The following ARID2 variants were observed in gnomAD, a reference collection of about 807,000 sequenced individuals.
ARID2 encodes AT-rich interaction domain 2.
A neutral mutation model predicts 184.6 loss-of-function variants in ARID2; 32 were observed. The observed-to-expected ratio is 0.17, with a 90% confidence interval of 0.13 to 0.23. The LOEUF is 0.23. ARID2 is among the 10% of genes least tolerant of loss of function. The probability of loss-of-function intolerance (pLI) is 1.00; values close to 1 mark genes in which losing one functional copy is unlikely to be tolerated. For missense variants in ARID2, 1,696 were observed against 2,197.6 expected (o/e 0.77, Z 4.56); for synonymous variants, 836 against 772.6 (o/e 1.08, Z -1.36).
At chr12:45,814,247 C>T (rs1942764225) in intron 4 of ARID2, among the ~76,000 whole-genome samples, 2 of 152,170 alleles carry the variant, frequency 1.3e-5, no homozygotes, top group Non-Finnish European at 1.5e-5. Flanking sequence ...ACATAAACAG[C>T]ACTCCAGGAA....
At chr12:45,764,871 A>G (rs1455611909) in intron 3 of ARID2, among the ~76,000 whole-genome samples, 1 of 152,232 alleles carries the variant, frequency 6.6e-6, no homozygotes, top group Non-Finnish European at 1.5e-5. Flanking sequence ...CCAAGGAGTA[A>G]AATTGCTGGG....
intron 3 of ARID2, among the ~76,000 whole-genome samples, chr12:45,753,847 G>A (rs1003686072): frequency 6.6e-6 from 1 of 152,082 alleles, no homozygotes; most frequent in African/African-American, 2.4e-5. Flanking sequence ...GCCCTCCTTG[G>A]CCTTCCAAAG....
At chr12:45,785,744 C>CA (rs1565595211) in intron 3 of ARID2, among the ~76,000 whole-genome samples, 2 of 151,938 alleles carry the variant, frequency 1.3e-5, no homozygotes, top group Admixed American at 6.6e-5. Flanking sequence ...CCCCCAAATC[C>CA]AAAAAAATTC....
At chr12:45,750,196 A>T (rs952284724) in intron 3 of ARID2, among the ~76,000 whole-genome samples, 1 of 152,274 alleles carries the variant, frequency 6.6e-6, no homozygotes, top group African/African-American at 2.4e-5. Flanking sequence ...TAATTTCAAT[A>T]TAGTTGTGTC....
intron 3 of ARID2, among the ~76,000 whole-genome samples, chr12:45,735,418 C>CGTGTGT (rs56133410): frequency 0.047 from 6,652 of 141,292 alleles, 192 homozygotes; most frequent in African/African-American, 0.069. Flanking sequence ...TAAACTGTAT[C>CGTGTGT]GTGTGTGTGT....
At chr12:45,855,230 A>C (rs1276093183) in intron 15 of ARID2, among the ~76,000 whole-genome samples, 3 of 152,242 alleles carry the variant, frequency 2.0e-5, no homozygotes, top group Non-Finnish European at 4.4e-5. Flanking sequence ...TGCTTTACTT[A>C]GCACATTGGA....
In ARID2 at chr12:45,819,093, A is replaced by G. The variant is rs144552293; in HGVS notation, c.637+1205A>G. Among the ~76,000 whole-genome samples, 68 of 152,310 alleles carry G rather than the reference A, an allele frequency of 4.5e-4. No individual in the cohort carries two copies. In the East Asian group the frequency reaches 0.012, roughly 28 times the overall value. On this transcript the variant is annotated intron_variant, in intron 5 of 20. Transcript: ENST00000334344. ...AGTTGAAAATTGTTTCACATTTTTT[A>G]GAAACCTTAAAATGAAGCCTTTGAA...
chr12:45,790,778 TGTG>T (rs1269878602), intron 3 of ARID2, among the ~76,000 whole-genome samples: 2 of 152,206 alleles, frequency 1.3e-5, no homozygotes, highest in African/African-American at 2.4e-5. Context: ...CAACACAAGT[TGTG>T]GTGGCAGGCA....
chr12:45,760,827 T>C (rs1941663696), intron 3 of ARID2, among the ~76,000 whole-genome samples: 1 of 152,124 alleles, frequency 6.6e-6, no homozygotes, highest in African/African-American at 2.4e-5. Flanking sequence ...GTTTTATTTA[T>C]TTATTTTGGA....
intron 11 of ARID2, among the ~76,000 whole-genome samples, chr12:45,842,874 ATTAC>A (rs1234484089): frequency 1.3e-5 from 2 of 152,154 alleles, no homozygotes; most frequent in South Asian, 2.1e-4. Flanking sequence ...CTCAATGACT[ATTAC>A]TTACTGCTAG....
chr12:45,880,512 A>G (rs1437314181), intron 16 of ARID2, among the ~76,000 whole-genome samples: 1 of 152,214 alleles, frequency 6.6e-6, no homozygotes, highest in Non-Finnish European at 1.5e-5. Flanking sequence ...ACAAGCCAGA[A>G]TAATTTTTTT....
intron 3 of ARID2, among the ~76,000 whole-genome samples, chr12:45,774,532 CAT>C (rs1941939497): frequency 6.6e-6 from 1 of 152,018 alleles, no homozygotes; most frequent in South Asian, 2.1e-4. Flanking sequence ...CATGTGTGTA[CAT>C]GTTTGTGTGT....
intron 4 of ARID2, among the ~76,000 whole-genome samples, chr12:45,814,563 T>C (rs1942771424): frequency 6.6e-6 from 1 of 152,062 alleles, no homozygotes; most frequent in African/African-American, 2.4e-5. Flanking sequence ...GGCAGGAGAA[T>C]TGCTTGAACC....
intron 4 of ARID2, among the ~76,000 whole-genome samples, chr12:45,816,464 T>A (rs779455494): frequency 6.6e-6 from 1 of 152,218 alleles, no homozygotes; most frequent in Non-Finnish European, 1.5e-5. Context: ...GAACTCTTTA[T>A]ATTGCTGATG....
chr12:45,887,195 AAAT>A (rs1944205934), intron 16 of ARID2, among the ~76,000 whole-genome samples: 1 of 152,240 alleles, frequency 6.6e-6, no homozygotes, highest in Non-Finnish European at 1.5e-5. Context: ...GCAATGATTT[AAAT>A]AATAAGCAGG....
intron 3 of ARID2, among the ~76,000 whole-genome samples, chr12:45,808,787 A>G (rs187377322): frequency 6.6e-6 from 1 of 151,612 alleles, no homozygotes; most frequent in East Asian, 1.9e-4. Context: ...GTTGAGACGA[A>G]GTTTTGCCCT....
At chr12:45,752,917 A>C (rs1302849025) in intron 3 of ARID2, among the ~76,000 whole-genome samples, 1 of 152,256 alleles carries the variant, frequency 6.6e-6, no homozygotes, top group African/African-American at 2.4e-5. Flanking sequence ...GTTTACTCTT[A>C]AGAGTCAGTT....
chr12:45,793,141 A>C (rs1482659340), intron 3 of ARID2, among the ~76,000 whole-genome samples: 1 of 152,042 alleles, frequency 6.6e-6, no homozygotes, highest in East Asian at 1.9e-4. Context: ...CTCTACTAAA[A>C]ATACAAAAAT....
intron 3 of ARID2, among the ~76,000 whole-genome samples, chr12:45,791,740 C>T (rs955630438): frequency 6.6e-6 from 1 of 152,074 alleles, no homozygotes. Context: ...GACTCACAGG[C>T]GTGCATCACT....
Sources: allele counts gnomAD v4.1 joint callset (sites outside exome capture counted in the v4.1 genomes callset), GRCh38; gene constraint gnomAD v4.1.1; transcripts MANE v1.5; gene names NCBI Gene and HGNC (gene_info 2026-07-23, HGNC 2026-07-21).